The following KCNH1 variants were observed in gnomAD, a reference collection of about 807,000 sequenced individuals.
The protein encoded by KCNH1 is voltage-gated delayed rectifier potassium channel KCNH1.
A neutral mutation model predicts 69.2 loss-of-function variants in KCNH1; 27 were observed. That is an observed-to-expected ratio of 0.39 (90% confidence interval 0.29 to 0.54). KCNH1 has a LOEUF of 0.54. Ranked by LOEUF, KCNH1 falls within the 20% of genes least tolerant of loss-of-function variation. The pLI is 0.68. For synonymous variants in KCNH1, 456 were observed against 487.7 expected (o/e 0.93, Z 0.86); for missense variants, 798 against 1,261.6 (o/e 0.63, Z 5.57).
At chr1:210,792,812 T>G (rs1270293435) in intron 9 of KCNH1, among the ~76,000 whole-genome samples, 1 of 151,882 alleles carries the variant, frequency 6.6e-6, no homozygotes, top group Non-Finnish European at 1.5e-5. Context: ...TGAAAGGAGA[T>G]CATATAAATA....
In KCNH1 at chr1:210,938,703, C is replaced by G. The variant is rs116632579; in HGVS notation, c.1033-18634G>C. Among the ~76,000 whole-genome samples, 598 of 152,260 alleles carry G rather than the reference C, an allele frequency of 3.9e-3. 1 individual carries two copies. The highest frequency in any genetic ancestry group is 0.014 in the African/African-American group (577 of 41,536). ...CAAACACTGTCACACTGGTTGTCTGCCTGGAAAACTCCTACCCATCCTCAA... is the reference window on the plus strand; with the variant it reads ...CAAACACTGTCACACTGGTTGTCTGGCTGGAAAACTCCTACCCATCCTCAA... On this transcript the variant is annotated intron_variant, in intron 6 of 10. Transcript: ENST00000271751.
intron 6 of KCNH1, among the ~76,000 whole-genome samples, chr1:210,927,117 A>C (rs1687589312): frequency 6.6e-6 from 1 of 152,246 alleles, no homozygotes; most frequent in African/African-American, 2.4e-5. Flanking sequence ...GGGGAAGAAG[A>C]TAAATCTGGA....
Position 210,907,498 on chromosome 1 carries a change from C to G in KCNH1, c.1462+12142G>C, listed in dbSNP as rs572336947. Among the ~76,000 whole-genome samples the G allele has an allele frequency of 3.5e-4, 52 of 148,454 alleles. No individual in the cohort carries two copies. The South Asian group carries it at 0.011, about 32-fold the overall frequency. On this transcript the variant is annotated intron_variant, in intron 7 of 10. Transcript: ENST00000271751. ...CACCCAGTGTCTTCTGGCCCAAGCT[C>G]AAATCAGGATCTAGGAAAAAGGACT...
intron 10 of KCNH1, among the ~76,000 whole-genome samples, chr1:210,692,123 C>T (rs563440269): frequency 2.0e-5 from 3 of 152,182 alleles, no homozygotes; most frequent in Admixed American, 6.5e-5. Flanking sequence ...TTTCTTCTGG[C>T]GTTAATCAAG....
chr1:210,749,521 G>A (rs1473270983), intron 10 of KCNH1, among the ~76,000 whole-genome samples: 3 of 152,094 alleles, frequency 2.0e-5, no homozygotes, highest in Non-Finnish European at 2.9e-5. Context: ...TCACCTGGGC[G>A]CTTATTAGAA....
Position 210,839,418 on chromosome 1 carries a change from G to C in KCNH1, c.1463-35252C>G, listed in dbSNP as rs573511791. Among the ~76,000 whole-genome samples, 85 of 152,190 alleles carry C rather than the reference G, an allele frequency of 5.6e-4. 1 individual carries two copies. In the South Asian group the frequency reaches 0.017, roughly 31 times the overall value. ...ACGCTGGGGAACAACAAATACTGGGGCCTGTTGGAAGGTGAGGGGTGGGAA... is the reference window on the plus strand; with the variant it reads ...ACGCTGGGGAACAACAAATACTGGGCCCTGTTGGAAGGTGAGGGGTGGGAA... On this transcript the variant is annotated intron_variant, in intron 7 of 10. Coordinates refer to ENST00000271751, the MANE Select transcript of KCNH1 (RefSeq NM_172362.3).
intron 7 of KCNH1, among the ~76,000 whole-genome samples, chr1:210,853,977 A>C (rs1685772243): frequency 6.7e-6 from 1 of 149,314 alleles, no homozygotes; most frequent in African/African-American, 2.4e-5. Context: ...AAGAAACCAA[A>C]GTCTTATCTA....
At chr1:211,099,715 A>C (rs1200199502) in intron 3 of KCNH1, among the ~76,000 whole-genome samples, 2 of 152,058 alleles carry the variant, frequency 1.3e-5, no homozygotes, top group East Asian at 1.9e-4. Flanking sequence ...CTCACTCCTC[A>C]ATGTCAGCTC....
chr1:211,103,820 C>G (rs914421912), intron 2 of KCNH1, among the ~76,000 whole-genome samples: 1 of 152,172 alleles, frequency 6.6e-6, no homozygotes, highest in Non-Finnish European at 1.5e-5. Context: ...GAGAGATACA[C>G]ACCATAAAAC....
intron 10 of KCNH1, among the ~76,000 whole-genome samples, chr1:210,715,278 T>C (rs144496329): frequency 1.1e-4 from 16 of 152,278 alleles, no homozygotes; most frequent in Non-Finnish European, 1.9e-4. Flanking sequence ...GAGCCTCCTG[T>C]CACTCCCTGC....
intron 4 of KCNH1, among the ~76,000 whole-genome samples, chr1:211,086,189 T>C (rs1690948988): frequency 6.6e-6 from 1 of 152,046 alleles, no homozygotes; most frequent in Non-Finnish European, 1.5e-5. Context: ...AAAGAACAAA[T>C]ATTTTTTTTT....
chr1:210,865,869 G>A (rs557710182), intron 7 of KCNH1, among the ~76,000 whole-genome samples: 1 of 152,240 alleles, frequency 6.6e-6, no homozygotes, highest in East Asian at 1.9e-4. Context: ...ACAACCAAAT[G>A]AAATGGGTGA....
chr1:211,071,333 A>T (rs555691701), intron 5 of KCNH1, among the ~76,000 whole-genome samples: 126 of 150,520 alleles, frequency 8.4e-4, no homozygotes, highest in African/African-American at 2.9e-3. Flanking sequence ...TAAACACGAT[A>T]AAAAAAAACA....
intron 5 of KCNH1, among the ~76,000 whole-genome samples, chr1:211,072,159 C>T (rs1690656711): frequency 6.6e-6 from 1 of 152,124 alleles, no homozygotes; most frequent in African/African-American, 2.4e-5. Flanking sequence ...ACCTGTAATC[C>T]CAGCTACTCA....
At chr1:210,912,660 G>A (rs1419393116) in intron 7 of KCNH1, among the ~76,000 whole-genome samples, 1 of 152,152 alleles carries the variant, frequency 6.6e-6, no homozygotes, top group Non-Finnish European at 1.5e-5. Context: ...CACTAGGCTA[G>A]GTACTTTTGT....
intron 4 of KCNH1, among the ~76,000 whole-genome samples, chr1:211,090,039 T>C (rs926926236): frequency 2.0e-5 from 3 of 152,210 alleles, no homozygotes; most frequent in African/African-American, 7.2e-5. Flanking sequence ...ATGACCCATA[T>C]AGAAATGTTA....
At chr1:210,874,435 T>C (rs12122965) in intron 7 of KCNH1, among the ~76,000 whole-genome samples, 19,566 of 152,282 alleles carry the variant, frequency 0.13, 1,693 homozygotes, top group Non-Finnish European at 0.17. Context: ...TGGCCAATAT[T>C]AGAAAATCTG....
At chr1:210,938,427 TTTAAA>T (rs1168455685) in intron 6 of KCNH1, among the ~76,000 whole-genome samples, 4 of 152,380 alleles carry the variant, frequency 2.6e-5, no homozygotes, top group African/African-American at 7.2e-5. Context: ...TATTCAGTTT[TTTAAA>T]TTAAGTTATA....
At chr1:210,775,085 G>GA (rs1001640875) in intron 10 of KCNH1, among the ~76,000 whole-genome samples, 5 of 151,466 alleles carry the variant, frequency 3.3e-5, no homozygotes, top group African/African-American at 9.7e-5. Flanking sequence ...ATTGATGGGG[G>GA]AAAAAAAAGC....
Sources: allele counts gnomAD v4.1 joint callset (sites outside exome capture counted in the v4.1 genomes callset), GRCh38; gene constraint gnomAD v4.1.1; transcripts MANE v1.5; gene names NCBI Gene and HGNC (gene_info 2026-07-23, HGNC 2026-07-21).